SERPINA5: variants seen among roughly 807,000 people sequenced by gnomAD.
The protein encoded by SERPINA5 is serpin family A member 5.
SERPINA5 carries 25 observed loss-of-function variants against 25.3 expected under a neutral mutation model. That is an observed-to-expected ratio of 0.99 (90% CI 0.72 to 1.38). The LOEUF (loss-of-function observed/expected upper bound fraction) is 1.38, where lower values mean the gene tolerates loss of function less well. SERPINA5 is among the 40% of genes most tolerant of loss of function. SERPINA5 has a pLI of 0.00. For missense variants in SERPINA5, 599 were observed against 509.5 expected, an observed-to-expected ratio of 1.18 and a Z score of -1.69; for synonymous variants, 234 against 206.2, an observed-to-expected ratio of 1.14 and a Z score of -1.16.
intron 5 of SERPINA5, among the ~76,000 whole-genome samples, chr14:94,591,426 A>T (rs1299035726): frequency 1.4e-5 from 2 of 146,316 alleles, no homozygotes; most frequent in Non-Finnish European, 3.0e-5. Context: ...ATTCTACTCT[A>T]TTCTATTCCA....
chr14:94,592,325 T>A lies in SERPINA5; in HGVS notation c.*86T>A. On this transcript the variant is annotated 3_prime_UTR_variant, in exon 6 of 6. Transcript: ENST00000329597. ...GGCCCATCTGTATGCTGGTAGCTAG[T>A]GATTTACACAGGTTTAGTTGACTAA... 1 of 1,308,330 alleles carries A rather than the reference T, an allele frequency of 7.6e-7. No individual in the cohort carries two copies. The highest frequency in any genetic ancestry group is 1.1e-6 in the Non-Finnish European group (1 of 944,294). The allele number at this position is 1,308,330 out of a possible 1,614,324, so 81.0% of individuals were successfully genotyped here. A position where few individuals can be genotyped will look rare whatever the true frequency, so the allele number is the denominator to read the frequency against.
chr14:94,590,892 C>A lies in SERPINA5; in HGVS notation c.1034C>A (p.Ser345Tyr). The A allele has an allele frequency of 6.2e-7, 1 of 1,610,360 alleles. No homozygotes were observed. The highest frequency in any genetic ancestry group is 1.1e-5 in the South Asian group (1 of 90,396). ...AGCAACCACTCAAATATCCAGGTGT[C>A]TGAGGTGGGTTCAGAAGCTCCTATG... ...GISNHSNIQV[S>Y]EMVHKAVVEV... Residue 345 changes from serine to tyrosine, a missense_variant, in exon 5 of 6, where the codon TCT becomes TAT. Physicochemically the swap from Ser to Tyr is moderately radical, Grantham distance 144. Transcript: ENST00000329597.
At position 94,587,838 on chromosome 14, in the gene SERPINA5, C is replaced by G. The variant is rs765216679; in HGVS notation, c.476C>G (p.Pro159Arg). 1.3e-5 allele frequency: 21 copies of G among 1,613,814 alleles called. No individual in the cohort carries two copies. Among genetic ancestry groups the G allele is most frequent in the Non-Finnish European group, 1.3e-5 (15 of 1,179,814 alleles). The change falls in exon 3 of 6, where the codon CCT (proline) becomes CGT (arginine). Residue 159 changes from proline to arginine, a missense_variant. Pro to Arg is a moderately radical substitution (Grantham distance 103). Coordinates refer to ENST00000329597, the MANE Select transcript of SERPINA5 (RefSeq NM_000624.6). ...MKTLYLADTF[P>R]TNFRDSAGAM... is the part of the protein sequence containing the mutation. ...ACGCTGTACCTGGCAGACACTTTCC[C>G]TACCAACTTTAGGGACTCTGCAGGG...
intron 3 of SERPINA5, among the ~76,000 whole-genome samples, chr14:94,589,464 GA>G (rs1304382941): frequency 1.3e-5 from 2 of 149,398 alleles, no homozygotes; most frequent in East Asian, 2.0e-4. Context: ...AAGAAAAAAA[GA>G]AAAAAAAGAA....
chr14:94,584,109 A>ACTCCT (rs1884999485), intron 2 of SERPINA5, among the ~76,000 whole-genome samples: 3 of 152,152 alleles, frequency 2.0e-5, no homozygotes, highest in South Asian at 2.1e-4. Flanking sequence ...GGATACCAGG[A>ACTCCT]GGTGAGGTCG....
At chr14:94,583,906 C>A (rs1884993340) in intron 2 of SERPINA5, among the ~76,000 whole-genome samples, 1 of 152,196 alleles carries the variant, frequency 6.6e-6, no homozygotes, top group Non-Finnish European at 1.5e-5. Context: ...CCATGTATTT[C>A]CACCAGAGGC....
At chr14:94,590,989 C>A in intron 5 of SERPINA5, 93 bp downstream of exon 5, 1 of 1,211,686 alleles carries the variant, frequency 8.3e-7, no homozygotes. Flanking sequence ...CCATTCCATT[C>A]CACTCAACTC....
At chr14:94,588,682 G>T (rs982306439) in intron 3 of SERPINA5, among the ~76,000 whole-genome samples, 2 of 152,164 alleles carry the variant, frequency 1.3e-5, no homozygotes, top group African/African-American at 4.8e-5. Context: ...TTGGCCATTT[G>T]GGTGGCTATA....
At chr14:94,585,993 A>C (rs1885070346) in intron 2 of SERPINA5, among the ~76,000 whole-genome samples, 1 of 152,140 alleles carries the variant, frequency 6.6e-6, no homozygotes, top group South Asian at 2.1e-4. Flanking sequence ...CTTGCCCAAA[A>C]TCACACTACA....
chr14:94,583,058 G>C (rs918219185), intron 2 of SERPINA5, among the ~76,000 whole-genome samples: 3 of 152,188 alleles, frequency 2.0e-5, no homozygotes, highest in African/African-American at 7.2e-5. Flanking sequence ...GAGTGAGCCT[G>C]GGGGTATCAC....
At chr14:94,583,808 G>A (rs935501728) in intron 2 of SERPINA5, among the ~76,000 whole-genome samples, 1 of 152,150 alleles carries the variant, frequency 6.6e-6, no homozygotes, top group East Asian at 1.9e-4. Context: ...ACCAGGAGAG[G>A]GGCAGCCCAA....
Position 94,587,523 on chromosome 14 carries a change from G to C in SERPINA5, c.161G>C (p.Arg54Thr), listed in dbSNP as rs1186423559. 6.2e-7 allele frequency: 1 copy of C among 1,613,652 alleles called. No individual in the cohort carries two copies. Among genetic ancestry groups the C allele is most frequent in the African/African-American group, 1.3e-5 (1 of 74,910 alleles). Residue 54 changes from arginine to threonine, a missense_variant, in exon 3 of 6, where the codon AGG becomes ACG. Coordinates refer to ENST00000329597, the MANE Select transcript of SERPINA5 (RefSeq NM_000624.6). Reference protein sequence around the residue: ...SRRDFTFDLYRALASAAPSQS... With the variant: ...SRRDFTFDLYTALASAAPSQS... The stretch of plus-strand genomic sequence containing the variant: ...AGGGACTTTACCTTTGACCTCTACA[G>C]GGCCTTGGCTTCCGCTGCCCCCAGC...
At chr14:94,582,790 T>G (rs370329140) in intron 2 of SERPINA5, among the ~76,000 whole-genome samples, 5 of 152,222 alleles carry the variant, frequency 3.3e-5, no homozygotes, top group South Asian at 4.2e-4. Flanking sequence ...GACAAATGCA[T>G]ATATAAAGGC....
At chr14:94,585,283 G>C (rs542287123) in intron 2 of SERPINA5, among the ~76,000 whole-genome samples, 1 of 152,136 alleles carries the variant, frequency 6.6e-6, no homozygotes, top group Non-Finnish European at 1.5e-5. Flanking sequence ...AAGAGGGTGC[G>C]GGCAATGCGC....
At position 94,590,228 on chromosome 14, in the gene SERPINA5, C is replaced by T. The variant is rs1885234323; in HGVS notation, c.807C>T (p.Leu269=). Residue 269 remains leucine (L), a synonymous_variant, in exon 4 of 6, where the codon CTC becomes CTT. Coordinates refer to ENST00000329597, the MANE Select transcript of SERPINA5 (RefSeq NM_000624.6). ...GCAATGCCACGGCTTTGTTCATTCT[C>T]CCCAGTGAGGGAAAGATGCAGCAGG... is the stretch of plus-strand genomic sequence containing the variant. ...YQGNATALFI[L]PSEGKMQQVE... 1 of 1,613,872 alleles carries T rather than the reference C, an allele frequency of 6.2e-7. No individual in the cohort carries two copies. The highest frequency in any genetic ancestry group is 8.5e-7 in the Non-Finnish European group (1 of 1,179,900).
At chr14:94,591,768 T>G (rs895992570) in intron 5 of SERPINA5, among the ~76,000 whole-genome samples, 2 of 152,156 alleles carry the variant, frequency 1.3e-5, no homozygotes, top group African/African-American at 4.8e-5. Context: ...CTATGTGATC[T>G]CCAAAAAATA....
chr14:94,587,244 T>C (rs1010025014), intron 2 of SERPINA5, 102 bp from the exon 3 acceptor site: 4 of 1,102,274 alleles, frequency 3.6e-6, no homozygotes, highest in Non-Finnish European at 5.2e-6. Context: ...TGAAGCTGAA[T>C]GGACCAAACA....
chr14:94,583,571 C>G (rs1884983328), intron 2 of SERPINA5, among the ~76,000 whole-genome samples: 1 of 152,222 alleles, frequency 6.6e-6, no homozygotes, highest in African/African-American at 2.4e-5. Flanking sequence ...TAACACAATT[C>G]CCACAGCTGA....
intron 2 of SERPINA5, among the ~76,000 whole-genome samples, chr14:94,585,903 G>T (rs1885066864): frequency 6.6e-6 from 1 of 152,104 alleles, no homozygotes; most frequent in South Asian, 2.1e-4. Context: ...CATAGCACGT[G>T]CCCCCAAGCA....
Sources: allele counts gnomAD v4.1 joint callset (sites outside exome capture counted in the v4.1 genomes callset), GRCh38; gene constraint gnomAD v4.1.1; transcripts MANE v1.5; gene names NCBI Gene and HGNC (gene_info 2026-07-23, HGNC 2026-07-21).